The following STIM1 variants were observed in gnomAD, a reference collection of about 807,000 sequenced individuals.
STIM1 encodes stromal interaction molecule 1.
Under a neutral mutation model 74.7 loss-of-function variants are expected in STIM1, and 25 were observed. The ratio of observed to expected loss-of-function variants is 0.33; its 90% CI spans 0.24 to 0.47. STIM1 has a LOEUF of 0.47. STIM1 is among the 20% of genes least tolerant of loss of function. The pLI is 1.00. For missense variants in STIM1, 728 were observed against 920.8 expected (o/e 0.79, Z 2.71); for synonymous variants, 328 against 348.8 (o/e 0.94, Z 0.66).
intron 1 of STIM1, among the ~76,000 whole-genome samples, chr11:3,917,996 G>C (rs2092670595): frequency 6.6e-6 from 1 of 152,196 alleles, no homozygotes; most frequent in Admixed American, 6.5e-5. Context: ...AATTCAGACA[G>C]ACTTAACCAA....
chr11:3,894,833 G>C (rs565663595), intron 1 of STIM1, among the ~76,000 whole-genome samples: 1 of 151,968 alleles, frequency 6.6e-6, no homozygotes. Context: ...CCGCCTTCCG[G>C]GTTCAAGCAA....
chr11:4,046,059 CTTTT>C (rs35783768), intron 3 of STIM1, among the ~76,000 whole-genome samples: 1 of 59,030 alleles, frequency 1.7e-5, no homozygotes, highest in Non-Finnish European at 3.0e-5. Context: ...CGTGAGCTAC[CTTTT>C]TTTTTTTTTT....
intron 2 of STIM1, among the ~76,000 whole-genome samples, chr11:3,992,093 T>C (rs1201560278): frequency 5.2e-5 from 7 of 135,432 alleles, no homozygotes; most frequent in Non-Finnish European, 3.3e-5. Flanking sequence ...TTTTTTGTTT[T>C]TTTTTTTTTT....
rs1474279628 is a variant in STIM1 at position 4,074,563 on chromosome 11, A to G, written c.853A>G (p.Lys285Glu). ...GGTGGAGAAGGTCCATCTGGAAAAG[A>G]AGCTGCGCGATGAGATCAACCTTGC... ...VEVEKVHLEK[K>E]LRDEINLAKQ... The change falls in exon 7 of 13, where the codon AAG becomes GAG. Residue 285 changes from lysine (K) to glutamate (E), a missense_variant. Around this residue, in one of 5 missense-constraint regions of STIM1, gnomAD observed 131 missense variants for 235.9 expected, o/e 0.56. Transcript: ENST00000526596. 6 of 1,614,030 alleles carry G rather than the reference A, an allele frequency of 3.7e-6. No individual in the cohort carries two copies. The East Asian group carries it at 1.3e-4, about 36-fold the overall frequency.
intron 2 of STIM1, among the ~76,000 whole-genome samples, chr11:3,996,571 G>T (rs767402919): frequency 1.3e-5 from 2 of 152,186 alleles, no homozygotes; most frequent in African/African-American, 2.4e-5. Flanking sequence ...GAGAAGGTCT[G>T]TGTTTAGCTG....
At chr11:3,990,822 C>A (rs1223683320) in intron 2 of STIM1, among the ~76,000 whole-genome samples, 1 of 152,112 alleles carries the variant, frequency 6.6e-6, no homozygotes, top group African/African-American at 2.4e-5. Flanking sequence ...TTTCCATCTT[C>A]ATTTTATATT....
At chr11:3,997,662 G>A (rs937090191) in intron 2 of STIM1, among the ~76,000 whole-genome samples, 6 of 152,110 alleles carry the variant, frequency 3.9e-5, no homozygotes, top group African/African-American at 1.4e-4. Flanking sequence ...CAAAGATATT[G>A]TACAGGTGAA....
chr11:3,956,211 A>G (rs563966090), intron 1 of STIM1, among the ~76,000 whole-genome samples: 57 of 152,302 alleles, frequency 3.7e-4, no homozygotes, highest in African/African-American at 1.3e-3. Flanking sequence ...AGCACCGCCT[A>G]TAGCTCGCAT....
upstream of STIM1, chr11:3,855,596 G>A (rs2090330953): frequency 1.2e-4 from 2 of 17,182 alleles, 1 homozygote; most frequent in South Asian, 2.1e-3. Flanking sequence ...ACCGGGCGGC[G>A]CGGGGCGGGC....
chr11:3,932,536 C>T (rs980626871), intron 1 of STIM1, among the ~76,000 whole-genome samples: 1 of 151,984 alleles, frequency 6.6e-6, no homozygotes, highest in Non-Finnish European at 1.5e-5. Flanking sequence ...GTGGCGGGCA[C>T]CTGTAGTCCC....
Position 4,083,250 on chromosome 11 carries a change from CCT to C in STIM1, c.1239-10_1239-9del, listed in dbSNP as rs1565170935. On this transcript the variant is annotated splice_polypyrimidine_tract_variant and intron_variant, in intron 9 of 12. Transcript: ENST00000526596. ...CAAGTCCATGCCTGCAGTTCTCTTT[CCT>C]CTGTCTTCAGGCAAGCACTGAGCGA... The C allele has an allele frequency of 6.2e-7, 1 of 1,613,592 alleles. No individual in the cohort carries two copies. The highest frequency in any genetic ancestry group is 8.5e-7 in the Non-Finnish European group (1 of 1,179,622).
intron 1 of STIM1, among the ~76,000 whole-genome samples, chr11:3,876,428 C>T (rs946184779): frequency 6.6e-6 from 1 of 152,174 alleles, no homozygotes; most frequent in African/African-American, 2.4e-5. Context: ...TTTTGGGAGA[C>T]AGGGTCTCAC....
intron 1 of STIM1, among the ~76,000 whole-genome samples, chr11:3,940,111 G>A (rs981397520): frequency 1.3e-5 from 2 of 152,136 alleles, no homozygotes; most frequent in African/African-American, 2.4e-5. Context: ...TTAATTCATG[G>A]TTTTGTATGG....
At chr11:3,941,060 G>A (rs761809599) in intron 1 of STIM1, among the ~76,000 whole-genome samples, 35 of 152,136 alleles carry the variant, frequency 2.3e-4, no homozygotes, top group Non-Finnish European at 4.4e-4. Flanking sequence ...ACCTCATAGG[G>A]TTGTTGTGAG....
In STIM1 at chr11:4,091,423, G is replaced by C. The variant is rs770049339; in HGVS notation, c.1776G>C (p.Glu592Asp). 1.2e-6 allele frequency: 2 copies of C among 1,614,090 alleles called. No homozygotes were observed. The highest frequency in any genetic ancestry group is 1.7e-6 in the Non-Finnish European group (2 of 1,180,046). ...CCAATGGCAGCCACCGGCTGATCGAGGGGGTCCACCCAGGGTCTCTGGTGG... is the reference window on the plus strand; with the variant it reads ...CCAATGGCAGCCACCGGCTGATCGACGGGGTCCACCCAGGGTCTCTGGTGG... ...MTSNGSHRLI[E>D]GVHPGSLVEK... The change falls in exon 13 of 13, where the codon GAG (glutamate) becomes GAC (aspartate). Residue 592 changes from glutamate to aspartate, a missense_variant. Coordinates refer to ENST00000526596, the MANE Select transcript of STIM1 (RefSeq NM_001382567.1).
chr11:3,883,480 A>G (rs564288312), intron 1 of STIM1, among the ~76,000 whole-genome samples: 235 of 152,238 alleles, frequency 1.5e-3, no homozygotes, highest in African/African-American at 5.1e-3. Flanking sequence ...CAGCCTCCCG[A>G]GTAGCTGGGA....
intron 1 of STIM1, among the ~76,000 whole-genome samples, chr11:3,917,374 T>G (rs76282968): frequency 6.6e-6 from 1 of 152,074 alleles, no homozygotes; most frequent in Non-Finnish European, 1.5e-5. Context: ...GACTCGTCAC[T>G]TCTCTCTGAA....
intron 1 of STIM1, among the ~76,000 whole-genome samples, chr11:3,928,587 C>T (rs1407188685): frequency 6.6e-6 from 1 of 151,798 alleles, no homozygotes. Context: ...GTAGTTTAGC[C>T]CGGGGATGTG....
chr11:3,884,090 G>A (rs533590422), intron 1 of STIM1, among the ~76,000 whole-genome samples: 31 of 152,100 alleles, frequency 2.0e-4, no homozygotes, highest in Non-Finnish European at 3.8e-4. Context: ...GCTATTTTAG[G>A]TAGAGGGGTG....
Sources: gnomAD v4.1 joint callset for allele counts (sites outside exome capture counted in the v4.1 genomes callset) on GRCh38, gnomAD v4.1.1 for gene constraint, gnomAD v4.1.1 regional missense constraint, MANE v1.5 for transcripts, NCBI Gene and HGNC (gene_info 2026-07-23, HGNC 2026-07-21) for gene names.